The following GALNT2 variants were observed in gnomAD, a reference collection of about 807,000 sequenced individuals.
GALNT2 encodes polypeptide N-acetylgalactosaminyltransferase 2.
A neutral mutation model predicts 81.4 loss-of-function variants in GALNT2; 31 were observed. That is an observed-to-expected ratio of 0.38 (90% CI 0.29 to 0.51). The LOEUF is 0.51. GALNT2 is among the 20% of genes least tolerant of loss of function. The probability of loss-of-function intolerance (pLI) is 0.87; values close to 1 mark genes in which losing one functional copy is unlikely to be tolerated. For synonymous variants in GALNT2, 303 were observed against 287.4 expected (o/e 1.05, Z -0.55); for missense variants, 629 against 765.7 (o/e 0.82, Z 2.11).
intron 3 of GALNT2, among the ~76,000 whole-genome samples, chr1:230,214,437 CACTG>C (rs566410850): frequency 7.2e-4 from 110 of 152,314 alleles, no homozygotes; most frequent in African/African-American, 2.5e-3. Context: ...AGAGTCTTTT[CACTG>C]ACTGTGAAAT....
At chr1:230,109,865 G>A (rs893196743) in intron 1 of GALNT2, among the ~76,000 whole-genome samples, 2 of 152,100 alleles carry the variant, frequency 1.3e-5, no homozygotes, top group African/African-American at 4.8e-5. Flanking sequence ...CTGTTAGGGA[G>A]GCAGTCAGTG....
Position 230,193,141 on chromosome 1 carries a change from G to A in GALNT2, c.221-9996G>A, listed in dbSNP as rs756345921. Among the ~76,000 whole-genome samples the A allele has an allele frequency of 6.6e-6, 1 of 152,112 alleles. No homozygotes were observed. Among genetic ancestry groups the A allele is most frequent in the African/African-American group, 2.4e-5 (1 of 41,402 alleles). On this transcript the variant is annotated intron_variant, in intron 2 of 15. Transcript: ENST00000366672. This position sits in a 1 kb window ranked among gnomAD's most constrained non-coding sequence, Gnocchi z 4.3. Reference sequence around the variant, plus strand: ...TCCCTTCCTTGGCTGCTTTCCCAGCGGTTGCTCTGTTTTACGTGGGGTAGC... The same window carrying A: ...TCCCTTCCTTGGCTGCTTTCCCAGCAGTTGCTCTGTTTTACGTGGGGTAGC...
intron 1 of GALNT2, among the ~76,000 whole-genome samples, chr1:230,140,104 C>G (rs1462685492): frequency 6.6e-6 from 1 of 152,262 alleles, no homozygotes; most frequent in Admixed American, 6.5e-5. Flanking sequence ...CGCCCTCCCC[C>G]ACGGGGCTTC....
intron 3 of GALNT2, among the ~76,000 whole-genome samples, 178 bp downstream of exon 3, chr1:230,203,468 G>C (rs567902079): frequency 9.2e-5 from 14 of 152,222 alleles, no homozygotes; most frequent in African/African-American, 2.7e-4. Flanking sequence ...GCAGTGGAAG[G>C]ATGGTTCTAG....
In GALNT2 at chr1:230,274,375, A is replaced by G. The variant is rs892562241; in HGVS notation, c.1441-70A>G. 95 of 1,568,186 alleles carry G rather than the reference A, an allele frequency of 6.1e-5. No individual in the cohort carries two copies. In the Admixed American group the frequency reaches 1.7e-3, roughly 28 times the overall value. On this transcript the variant is annotated intron_variant, in intron 14 of 15. Coordinates refer to ENST00000366672, the MANE Select transcript of GALNT2 (RefSeq NM_004481.5). ...TGACCCATTTCCTTTTTGAGCCCTC[A>G]TCGATGCCCCTTCTTTCCTTTCACA...
intron 1 of GALNT2, among the ~76,000 whole-genome samples, chr1:230,129,004 A>G (rs1046245227): frequency 2.6e-5 from 4 of 152,202 alleles, no homozygotes; most frequent in African/African-American, 9.6e-5. Context: ...AGCCCCCGCG[A>G]CACTTGTGAA....
chr1:230,059,028 T>TA (rs1288470868), intron 1 of GALNT2, among the ~76,000 whole-genome samples: 1 of 152,208 alleles, frequency 6.6e-6, no homozygotes, highest in Non-Finnish European at 1.5e-5. Flanking sequence ...CAGTGTTTAA[T>TA]ATTTTGTTCC....
At chr1:230,227,433 C>CTA (rs893822415) in intron 3 of GALNT2, among the ~76,000 whole-genome samples, 132 of 147,366 alleles carry the variant, frequency 9.0e-4, no homozygotes, top group South Asian at 2.4e-3. Context: ...TCTAATACAG[C>CTA]TATATATATA....
At chr1:230,130,431 TC>T (rs766695072) in intron 1 of GALNT2, among the ~76,000 whole-genome samples, 19 of 152,184 alleles carry the variant, frequency 1.2e-4, no homozygotes, top group Admixed American at 6.5e-4. Context: ...TGTTAAGGAC[TC>T]CCTGTGCTCA....
At chr1:230,206,570 A>T (rs1298488158) in intron 3 of GALNT2, among the ~76,000 whole-genome samples, 1 of 152,178 alleles carries the variant, frequency 6.6e-6, no homozygotes, top group African/African-American at 2.4e-5. Flanking sequence ...AGATTGGGTT[A>T]CCTCTTTGAA....
intron 1 of GALNT2, among the ~76,000 whole-genome samples, chr1:230,175,908 A>C (rs779891423): frequency 6.6e-6 from 1 of 152,046 alleles, no homozygotes; most frequent in Non-Finnish European, 1.5e-5. Flanking sequence ...ATAAAGGGCC[A>C]GATTTAGCTT....
chr1:230,208,052 G>A (rs532914653), intron 3 of GALNT2, among the ~76,000 whole-genome samples: 64 of 152,258 alleles, frequency 4.2e-4, no homozygotes, highest in Admixed American at 3.1e-3. Context: ...TCTCTGCATG[G>A]TTTCTCAATT....
chr1:230,219,381 C>T (rs371183262), intron 3 of GALNT2, among the ~76,000 whole-genome samples: 214 of 152,128 alleles, frequency 1.4e-3, no homozygotes, highest in African/African-American at 4.9e-3. Context: ...GCTTGGCCAA[C>T]GTGTACTGGC....
At chr1:230,155,095 G>C (rs1007621476) in intron 1 of GALNT2, among the ~76,000 whole-genome samples, 6 of 152,142 alleles carry the variant, frequency 3.9e-5, no homozygotes, top group Non-Finnish European at 8.8e-5. Flanking sequence ...GCTGCCCCGC[G>C]CCGCATGCAC....
In GALNT2 at chr1:230,087,053, A is replaced by G. The variant is rs145364490; in HGVS notation, c.126+19647A>G. On this transcript the variant is annotated intron_variant, in intron 1 of 15. Coordinates refer to ENST00000366672, the MANE Select transcript of GALNT2 (RefSeq NM_004481.5). ...GGCACGTAGGGAGAAAGAGCTCAGT[A>G]GAGTGTGTGTGGGAGGGGTCTTCTT... 4.4e-3 allele frequency among the ~76,000 whole-genome samples: 666 copies of G among 152,344 alleles called. 5 individuals carry two copies. Among genetic ancestry groups the G allele is most frequent in the African/African-American group, 0.015 (638 of 41,582 alleles).
chr1:230,170,729 G>A (rs1301414167), intron 1 of GALNT2, among the ~76,000 whole-genome samples: 1 of 152,220 alleles, frequency 6.6e-6, no homozygotes, highest in Non-Finnish European at 1.5e-5. Context: ...AGAAGGTGAA[G>A]GGGAGCAGGT....
At chr1:230,208,017 G>A (rs1664119889) in intron 3 of GALNT2, among the ~76,000 whole-genome samples, 1 of 152,054 alleles carries the variant, frequency 6.6e-6, no homozygotes, top group South Asian at 2.1e-4. Flanking sequence ...AGGGTAATTG[G>A]GATATCCCTC....
At chr1:230,215,085 T>C (rs1279288445) in intron 3 of GALNT2, among the ~76,000 whole-genome samples, 1 of 152,240 alleles carries the variant, frequency 6.6e-6, no homozygotes, top group Non-Finnish European at 1.5e-5. Context: ...TGAGCTGGTA[T>C]AAAGCTGGGT....
rs1264163355 is a variant in GALNT2 at position 230,243,459 on chromosome 1, G to A, written c.729+32G>A. On this transcript the variant is annotated intron_variant, in intron 7 of 15. Coordinates refer to ENST00000366672, the MANE Select transcript of GALNT2 (RefSeq NM_004481.5). This position sits in a 1 kb window ranked among gnomAD's most constrained non-coding sequence, Gnocchi z 4.2. ...TGACGGGGGCTGGGAGGGGTGTCAG[G>A]TCGTGGGTGGTTGGTAGAGGGGACA... The A allele has an allele frequency of 1.0e-5, 16 of 1,604,892 alleles. No individual in the cohort carries two copies. The highest frequency in any genetic ancestry group is 1.4e-5 in the Non-Finnish European group (16 of 1,178,962).
Sources: gnomAD v4.1 joint callset for allele counts (sites outside exome capture counted in the v4.1 genomes callset) on GRCh38, gnomAD v4.1.1 for gene constraint, Gnocchi (gnomAD v3.1) non-coding constraint, MANE v1.5 for transcripts, NCBI Gene and HGNC (gene_info 2026-07-23, HGNC 2026-07-21) for gene names.